Variants in ORC4 observed in about 807,000 individuals in gnomAD.
The protein encoded by ORC4 is origin recognition complex subunit 4, also known as origin recognition complex, subunit 4 homolog.
Under a neutral mutation model 63.9 loss-of-function variants are expected in ORC4, and 55 were observed. The ratio of observed to expected loss-of-function variants is 0.86; its 90% CI spans 0.69 to 1.08. The LOEUF is 1.08. Ranked by LOEUF, ORC4 falls within the 50% of genes least tolerant of loss-of-function variation. The pLI is 0.00. For synonymous variants in ORC4, 150 were observed against 168.5 expected (o/e 0.89, Z 0.85); for missense variants, 511 against 504.4 (o/e 1.01, Z -0.13).
At chr2:147,985,265 C>T (rs1334797250) in intron 1 of ORC4, among the ~76,000 whole-genome samples, 1 of 152,088 alleles carries the variant, frequency 6.6e-6, no homozygotes, top group African/African-American at 2.4e-5. Context: ...GGCGCTATCT[C>T]GGCTCACTGC....
At chr2:147,960,473 T>TGTATAA in intron 4 of ORC4, 1 of 535,012 alleles carries the variant, frequency 1.9e-6, no homozygotes, top group Non-Finnish European at 2.4e-6. Flanking sequence ...AAATATTTAG[T>TGTATAA]TGGTTATTAA....
intron 1 of ORC4, among the ~76,000 whole-genome samples, chr2:148,011,304 T>A (rs12997165): frequency 1.3e-5 from 2 of 152,040 alleles, no homozygotes. Flanking sequence ...CCCAGGGATG[T>A]AAGGATGGTT....
intron 4 of ORC4, among the ~76,000 whole-genome samples, chr2:147,969,557 G>C (rs1374369053): frequency 6.6e-6 from 1 of 151,956 alleles, no homozygotes; most frequent in African/African-American, 2.4e-5. Flanking sequence ...TATCAGATTA[G>C]AAGAAGCAAA....
chr2:148,007,098 C>T (rs557267052), intron 1 of ORC4, among the ~76,000 whole-genome samples: 1 of 152,310 alleles, frequency 6.6e-6, no homozygotes, highest in African/African-American at 2.4e-5. Flanking sequence ...GCAGTGACTA[C>T]AGGCTTAGGT....
At chr2:147,986,226 A>C (rs1691194386) in intron 1 of ORC4, among the ~76,000 whole-genome samples, 1 of 152,220 alleles carries the variant, frequency 6.6e-6, no homozygotes, top group African/African-American at 2.4e-5. Flanking sequence ...GAATCAGAGA[A>C]TCTTTCTCCT....
chr2:148,021,463 T>C (rs1249179685), upstream of ORC4: 18 of 573,772 alleles, frequency 3.1e-5, no homozygotes, highest in African/African-American at 1.5e-4. Flanking sequence ...GCTGCTGCTG[T>C]TGCTGCTGCT....
At chr2:148,017,462 A>T (rs1693378085) in intron 1 of ORC4, among the ~76,000 whole-genome samples, 1 of 152,238 alleles carries the variant, frequency 6.6e-6, no homozygotes, top group South Asian at 2.1e-4. Context: ...ACTTGAGGTC[A>T]GGAGTTTGAG....
upstream of ORC4, chr2:148,021,481 TTGCTGCTGCTGCTGCTAC>T (rs1553463990): frequency 6.5e-5 from 37 of 573,526 alleles, no homozygotes; most frequent in African/African-American, 5.3e-4. Context: ...GCTGCTGCTG[TTGCTGCTGCTGCTGCTAC>T]TGCTGCTGCT....
intron 1 of ORC4, among the ~76,000 whole-genome samples, chr2:148,005,325 A>G (rs1205872258): frequency 6.6e-6 from 1 of 152,032 alleles, no homozygotes; most frequent in Non-Finnish European, 1.5e-5. Context: ...CAAACAACGC[A>G]TGTTCCCATA....
In ORC4 at chr2:147,935,211, C is replaced by A; in HGVS notation, c.*299G>T. The A allele has an allele frequency of 3.0e-6, 1 of 328,182 alleles. No individual in the cohort carries two copies. The highest frequency in any genetic ancestry group is 5.7e-6 in the Non-Finnish European group (1 of 175,002). The allele number at this position is 328,182 out of a possible 1,614,324, so 20.3% of individuals were successfully genotyped here. A position where few individuals can be genotyped will look rare whatever the true frequency, so the allele number is the denominator to read the frequency against. ...CATCTAGCTGTTAGGTTGAAGTGAG[C>A]TCTTCAAATAGACCATTATATATAT... On this transcript the variant is annotated 3_prime_UTR_variant, in exon 14 of 14. Coordinates refer to ENST00000392857, the MANE Select transcript of ORC4 (RefSeq NM_181741.4).
intron 1 of ORC4, among the ~76,000 whole-genome samples, chr2:148,003,579 C>G (rs1354373458): frequency 6.6e-6 from 1 of 152,136 alleles, no homozygotes; most frequent in Non-Finnish European, 1.5e-5. Flanking sequence ...GCTAAAAACT[C>G]TCAATAAACT....
chr2:148,017,368 T>G (rs1693368455), intron 1 of ORC4, among the ~76,000 whole-genome samples: 1 of 152,242 alleles, frequency 6.6e-6, no homozygotes, highest in African/African-American at 2.4e-5. Flanking sequence ...TTGATCTATA[T>G]TTTTATATAA....
chr2:147,937,847 A>C (rs1039084713), intron 13 of ORC4: 9 of 341,660 alleles, frequency 2.6e-5, no homozygotes, highest in African/African-American at 1.5e-4. Flanking sequence ...TGAGATTATA[A>C]AAGCCAATCC....
At chr2:148,003,289 A>G (rs969098898) in intron 1 of ORC4, among the ~76,000 whole-genome samples, 1 of 152,128 alleles carries the variant, frequency 6.6e-6, no homozygotes, top group Non-Finnish European at 1.5e-5. Context: ...TGATACCAAA[A>G]TCTGGCAGAG....
chr2:148,009,546 A>G (rs1198790515), intron 1 of ORC4, among the ~76,000 whole-genome samples: 2 of 152,162 alleles, frequency 1.3e-5, no homozygotes, highest in Non-Finnish European at 2.9e-5. Flanking sequence ...ATAAATACAT[A>G]TCTATCCAAC....
At chr2:147,942,593 C>T (rs1688427113) in intron 10 of ORC4, among the ~76,000 whole-genome samples, 1 of 152,004 alleles carries the variant, frequency 6.6e-6, no homozygotes, top group South Asian at 2.1e-4. Context: ...TGAGGATTAC[C>T]TCAACCTGAT....
rs562584711 is a variant in ORC4, at chr2:147,943,379, C to T, written c.849+57G>A. On this transcript the variant is annotated intron_variant, in intron 10 of 13. Coordinates refer to ENST00000392857, the MANE Select transcript of ORC4 (RefSeq NM_181741.4). ...CAGTCTGAGCAACAAAGTGAGACCCCGTCACTATTAAAAACAAAAACAAAG... is the reference window on the plus strand; with the variant it reads ...CAGTCTGAGCAACAAAGTGAGACCCTGTCACTATTAAAAACAAAAACAAAG... 2.1e-5 allele frequency: 24 copies of T among 1,153,056 alleles called. No individual in the cohort carries two copies. In the East Asian group the frequency reaches 2.6e-4, roughly 12 times the overall value. The allele number at this position is 1,153,056 out of a possible 1,614,324, so 71.4% of individuals were successfully genotyped here.
At chr2:147,982,156 T>C (rs530099034) in intron 1 of ORC4, 10 of 152,356 alleles carry the variant, frequency 6.6e-5, no homozygotes, top group Admixed American at 6.5e-4. Context: ...AGAAGAAAAG[T>C]GGTCTTCTCA....
chr2:147,984,811 C>T (rs1691099300), intron 1 of ORC4, among the ~76,000 whole-genome samples: 1 of 152,212 alleles, frequency 6.6e-6, no homozygotes, highest in African/African-American at 2.4e-5. Flanking sequence ...GAAATATATT[C>T]ACTGACCACT....
Sources: gnomAD v4.1 joint callset for allele counts (sites outside exome capture counted in the v4.1 genomes callset) on GRCh38, gnomAD v4.1.1 for gene constraint, MANE v1.5 for transcripts, NCBI Gene and HGNC (gene_info 2026-07-23, HGNC 2026-07-21) for gene names.